ADAMTSL1: variants seen among roughly 807,000 people sequenced by gnomAD.
ADAMTSL1 encodes ADAMTS like 1, also known as ADAMTS-like protein 1.
A neutral mutation model predicts 201.8 loss-of-function variants in ADAMTSL1; 126 were observed. The observed-to-expected ratio is 0.62, with a 90% CI of 0.54 to 0.72. ADAMTSL1 has a LOEUF of 0.72. Ranked by LOEUF, ADAMTSL1 falls within the 30% of genes least tolerant of loss-of-function variation. The pLI is 0.00. For missense variants in ADAMTSL1, 2,679 were observed against 2,277.8 expected (o/e 1.18, Z -3.59); for synonymous variants, 1,121 against 903.4 (o/e 1.24, Z -4.32).
At chr9:18,623,243 C>CA (rs11313686) in intron 5 of ADAMTSL1, among the ~76,000 whole-genome samples, 20,158 of 140,680 alleles carry the variant, frequency 0.14, 1,437 homozygotes, top group East Asian at 0.21. Context: ...TCAATACTAG[C>CA]AAAAAAAAAA....
At chr9:17,982,640 AAAT>A (rs1305932434) in intron 1 of ADAMTSL1, among the ~76,000 whole-genome samples, 1 of 152,018 alleles carries the variant, frequency 6.6e-6, no homozygotes, top group African/African-American at 2.4e-5. Flanking sequence ...AAATAAATAA[AAAT>A]AAAACCGGGC....
At chr9:18,157,747 T>C (rs1274511908) in intron 1 of ADAMTSL1, among the ~76,000 whole-genome samples, 3 of 152,038 alleles carry the variant, frequency 2.0e-5, no homozygotes, top group Non-Finnish European at 4.4e-5. Flanking sequence ...TAAATGTCAA[T>C]GGGTTAAATA....
At chr9:18,522,081 T>C (rs1228897945) in intron 2 of ADAMTSL1, among the ~76,000 whole-genome samples, 1 of 152,186 alleles carries the variant, frequency 6.6e-6, no homozygotes, top group Non-Finnish European at 1.5e-5. Flanking sequence ...TCAAGTTGAC[T>C]GGTATCAAGT....
intron 15 of ADAMTSL1, among the ~76,000 whole-genome samples, chr9:18,729,006 A>G (rs901673680): frequency 6.6e-6 from 1 of 152,190 alleles, no homozygotes; most frequent in African/African-American, 2.4e-5. Context: ...CCTTTTTCTC[A>G]TGTAGAGTCA....
intron 1 of ADAMTSL1, among the ~76,000 whole-genome samples, chr9:17,977,224 G>T (rs1818491344): frequency 6.6e-6 from 1 of 151,934 alleles, no homozygotes; most frequent in African/African-American, 2.4e-5. Flanking sequence ...AATTCAGTTT[G>T]CCATTATTTT....
intron 22 of ADAMTSL1, 47 bp from the exon 23 acceptor site, chr9:18,829,796 C>G: frequency 6.2e-7 from 1 of 1,611,096 alleles, no homozygotes; most frequent in Non-Finnish European, 8.5e-7. Context: ...TGCCTTGACA[C>G]AGCCCTGTGC....
Position 18,201,617 on chromosome 9 carries a change from A to G in ADAMTSL1, c.207+37636A>G, listed in dbSNP as rs565260800. Among the ~76,000 whole-genome samples the G allele has an allele frequency of 9.2e-5, 14 of 152,224 alleles. 1 individual carries two copies. In the South Asian group the frequency reaches 2.9e-3, roughly 32 times the overall value. On this transcript the variant is annotated intron_variant, in intron 2 of 29. Coordinates refer to the ADAMTSL1 transcript ENST00000680146. Reference sequence around the variant, plus strand: ...TTGTTTTATTGCGATAAGAGCAGGAATTTAGGAGAATACCTCAGGGCTTTG... The same window carrying G: ...TTGTTTTATTGCGATAAGAGCAGGAGTTTAGGAGAATACCTCAGGGCTTTG...
In ADAMTSL1 at chr9:18,117,710, G is replaced by A. The variant is rs908017805; in HGVS notation, c.88-46152G>A. On this transcript the variant is annotated intron_variant, in intron 1 of 29. Transcript: ENST00000680146. Reference sequence around the variant, plus strand: ...TGACTATAAAGTATACTTCTCAGGGGCAGGGGTCTTTGTTTTTCTCAATGA... The same window carrying A: ...TGACTATAAAGTATACTTCTCAGGGACAGGGGTCTTTGTTTTTCTCAATGA... 9.2e-5 allele frequency among the ~76,000 whole-genome samples: 14 copies of A among 152,218 alleles called. No individual in the cohort carries two copies. The East Asian group carries it at 2.3e-3, about 25-fold the overall frequency.
intron 2 of ADAMTSL1, among the ~76,000 whole-genome samples, chr9:18,377,015 G>A (rs1837325368): frequency 6.6e-6 from 1 of 152,186 alleles, no homozygotes; most frequent in South Asian, 2.1e-4. Flanking sequence ...AGAGCAACCA[G>A]TTTGTGAAAA....
At position 18,338,838 on chromosome 9, in the gene ADAMTSL1, A is replaced by G. The variant is rs904133220; in HGVS notation, c.208-165991A>G. On this transcript the variant is annotated intron_variant, in intron 2 of 29. Transcript: ENST00000680146. ...CCCTTCTTTGTGTCCATATGTACTC[A>G]AAGTTTAGCTCCCACTTATAAGTGA... is the stretch of plus-strand genomic sequence containing the variant. Among the ~76,000 whole-genome samples the G allele has an allele frequency of 3.7e-4, 56 of 152,124 alleles. 1 individual carries two copies. Among genetic ancestry groups the G allele is most frequent in the African/African-American group, 1.3e-3 (52 of 41,504 alleles).
chr9:18,313,895 C>G (rs72686847), intron 2 of ADAMTSL1, among the ~76,000 whole-genome samples: 1 of 152,020 alleles, frequency 6.6e-6, no homozygotes, highest in African/African-American at 2.4e-5. Context: ...AAAAGGCAAC[C>G]TATAGAATGG....
intron 23 of ADAMTSL1, among the ~76,000 whole-genome samples, chr9:18,837,865 T>C (rs1588200428): frequency 6.6e-6 from 1 of 152,176 alleles, no homozygotes; most frequent in Admixed American, 6.6e-5. Flanking sequence ...ACCTTATTAT[T>C]GGAAAGGACA....
At position 18,889,601 on chromosome 9, in the gene ADAMTSL1, G is replaced by A. The variant is rs1421689868; in HGVS notation, c.4496G>A (p.Cys1499Tyr). The A allele has an allele frequency of 1.2e-6, 2 of 1,613,802 alleles. No individual in the cohort carries two copies. The highest frequency in any genetic ancestry group is 1.1e-5 in the South Asian group (1 of 91,048). ...YWWSVDRLAT[C>Y]SASCGNRGVQ... is the part of the protein sequence containing the mutation. ...TGGTCTGTGGACAGACTGGCAACCT[G>A]CTCAGCCTCCTGTGGTAACCGGGGG... Residue 1499 changes from cysteine to tyrosine, a missense_variant, in exon 25 of 29, where the codon TGC (cysteine) becomes TAC (tyrosine). Transcript: ENST00000380548.
intron 1 of ADAMTSL1, among the ~76,000 whole-genome samples, chr9:17,979,091 T>A (rs1235040148): frequency 6.6e-6 from 1 of 152,124 alleles, no homozygotes; most frequent in Non-Finnish European, 1.5e-5. Context: ...TTTTTCTTGC[T>A]GCTTTAAAAA....
At chr9:18,437,977 C>T (rs77664302) in intron 2 of ADAMTSL1, among the ~76,000 whole-genome samples, 1,654 of 152,256 alleles carry the variant, frequency 0.011, 37 homozygotes, top group African/African-American at 0.038. Flanking sequence ...TCTGCTAATG[C>T]CCGCTGCTGT....
At chr9:17,981,663 G>A (rs1818705795) in intron 1 of ADAMTSL1, among the ~76,000 whole-genome samples, 1 of 152,118 alleles carries the variant, frequency 6.6e-6, no homozygotes, top group South Asian at 2.1e-4. Context: ...TATACTTATG[G>A]ATTGAGGTTT....
intron 28 of ADAMTSL1, 93 bp downstream of exon 28, chr9:18,907,005 T>A: frequency 7.1e-7 from 1 of 1,413,066 alleles, no homozygotes; most frequent in Non-Finnish European, 9.8e-7. Flanking sequence ...GCATAGGGCA[T>A]GGGGTCAGCT....
At chr9:18,205,889 A>G (rs1266234715) in intron 2 of ADAMTSL1, among the ~76,000 whole-genome samples, 5 of 151,816 alleles carry the variant, frequency 3.3e-5, no homozygotes, top group African/African-American at 1.2e-4. Flanking sequence ...CCCCATCTCT[A>G]CTAAAAATAC....
chr9:18,170,150 C>G (rs997692758), intron 2 of ADAMTSL1, among the ~76,000 whole-genome samples: 1 of 152,008 alleles, frequency 6.6e-6, no homozygotes, highest in South Asian at 2.1e-4. Context: ...TATTATGTCT[C>G]TACCAGTAAC....
Sources: gnomAD v4.1 joint callset for allele counts (sites outside exome capture counted in the v4.1 genomes callset) on GRCh38, gnomAD v4.1.1 for gene constraint, MANE v1.5 for transcripts, NCBI Gene and HGNC (gene_info 2026-07-23, HGNC 2026-07-21) for gene names.